Variants in MCM5 observed in about 807,000 individuals in gnomAD.
MCM5 encodes DNA replication licensing factor MCM5.
MCM5 carries 46 observed loss-of-function variants against 79.9 expected under a neutral mutation model. The ratio of observed to expected loss-of-function variants is 0.58; its 90% CI spans 0.45 to 0.74. The LOEUF (loss-of-function observed/expected upper bound fraction) is 0.74. Ranked by LOEUF, MCM5 falls within the 30% of genes least tolerant of loss-of-function variation. MCM5 has a pLI of 0.00. For missense variants in MCM5, 883 were observed against 1,017.0 expected, an observed-to-expected ratio of 0.87 and a Z score of 1.79; for synonymous variants, 404 against 390.5, an observed-to-expected ratio of 1.03 and a Z score of -0.41.
At chr22:35,438,884 CATCCATCT>C in the MCM5 span, among the ~76,000 whole-genome samples, 1 of 150,074 alleles carries the variant, frequency 6.7e-6, no homozygotes, top group Non-Finnish European at 1.5e-5. Flanking sequence ...TCCATCCATC[CATCCATCT>C]ACATATCCAT....
downstream of MCM5, among the ~76,000 whole-genome samples, chr22:35,427,080 T>C (rs1359616748): frequency 6.6e-6 from 1 of 152,224 alleles, no homozygotes; most frequent in African/African-American, 2.4e-5. Flanking sequence ...GGGCCACTGG[T>C]GTCAGACAGG....
chr22:35,414,129 C>A, intron 9 of MCM5, 143 bp downstream of exon 9: 1 of 619,950 alleles, frequency 1.6e-6, no homozygotes, highest in Non-Finnish European at 2.9e-6. Context: ...GTCAGGATGG[C>A]CGAGGAGATG....
downstream of MCM5, among the ~76,000 whole-genome samples, chr22:35,426,428 G>T (rs538458540): frequency 4.2e-3 from 636 of 152,266 alleles, 5 homozygotes; most frequent in African/African-American, 0.015. Context: ...TGGGGCAAGG[G>T]GGGGAGCTGG....
Position 35,413,896 on chromosome 22 carries a change from C to T in MCM5, c.1113C>T (p.Arg371=). The change falls in exon 9 of 17, where the codon CGC becomes CGT. Residue 371 remains arginine (R), a synonymous_variant. Transcript: ENST00000216122. ...SRKRLPDGLT[R]RGDINLLMLG... ...CCAGGCTCCCTGATGGACTTACTCG[C>T]CGAGGAGACATCAACCTGCTGATGC... The T allele has an allele frequency of 6.2e-7, 1 of 1,613,346 alleles. No individual in the cohort carries two copies. The highest frequency in any genetic ancestry group is 8.5e-7 in the Non-Finnish European group (1 of 1,179,268).
At chr22:35,402,708 T>C (rs2145781847) in intron 2 of MCM5, among the ~76,000 whole-genome samples, 1 of 152,132 alleles carries the variant, frequency 6.6e-6, no homozygotes, top group East Asian at 1.9e-4. Flanking sequence ...CATGCCCGGC[T>C]AATCTTCGTA....
At chr22:35,451,639 A>T in the MCM5 span, among the ~76,000 whole-genome samples, 4 of 152,168 alleles carry the variant, frequency 2.6e-5, no homozygotes, top group East Asian at 1.9e-4. Context: ...TCTCTCAGTT[A>T]CTGCCTCACT....
chr22:35,427,307 T>C (rs1249026183), downstream of MCM5, among the ~76,000 whole-genome samples: 1 of 152,212 alleles, frequency 6.6e-6, no homozygotes, highest in Admixed American at 6.5e-5. Context: ...AGAGAATGCT[T>C]ATAAAGAGCA....
chr22:35,423,482 C>G, intron 16 of MCM5, 141 bp downstream of exon 16: 3 of 874,262 alleles, frequency 3.4e-6, no homozygotes, highest in Admixed American at 7.0e-5. Flanking sequence ...TTTCTCAGAC[C>G]TTTTCTAGCC....
chr22:35,412,751 GA>G, intron 8 of MCM5, 70 bp downstream of exon 8: 1 of 1,279,096 alleles, frequency 7.8e-7, no homozygotes, highest in Non-Finnish European at 1.0e-6. Flanking sequence ...ATAATTACTG[GA>G]TAATCAGGAC....
intron 15 of MCM5, chr22:35,422,288 G>C (rs948482383): frequency 1.3e-5 from 2 of 153,322 alleles, no homozygotes; most frequent in African/African-American, 4.8e-5. Context: ...AGGAGGACGT[G>C]CTCTTTCCCA....
At chr22:35,448,211 G>T in the MCM5 span, among the ~76,000 whole-genome samples, 13 of 152,196 alleles carry the variant, frequency 8.5e-5, no homozygotes, top group Admixed American at 8.5e-4. Context: ...TGATCAAAGC[G>T]CCTGCCTCGT....
At chr22:35,403,839 T>C (rs1014749622) in intron 4 of MCM5, among the ~76,000 whole-genome samples, 5 of 152,076 alleles carry the variant, frequency 3.3e-5, no homozygotes, top group Admixed American at 1.3e-4. Flanking sequence ...AGTAAATTCA[T>C]GCACAGTGGC....
rs551571369 is a variant in MCM5 at position 35,412,997 on chromosome 22, A to T, written c.1091+316A>T. Among the ~76,000 whole-genome samples the T allele has an allele frequency of 1.3e-3, 197 of 151,456 alleles. 1 individual carries two copies. The highest frequency in any genetic ancestry group is 1.9e-3 in the Non-Finnish European group (132 of 67,894). Reference sequence around the variant, plus strand: ...ACTGAGCTTGGGGTCAGTAGCAGGGATATTATTAGCAGCTGCCATTTACTG... The same window carrying T: ...ACTGAGCTTGGGGTCAGTAGCAGGGTTATTATTAGCAGCTGCCATTTACTG... On this transcript the variant is annotated intron_variant, in intron 8 of 16. Coordinates refer to ENST00000216122, the MANE Select transcript of MCM5 (RefSeq NM_006739.4).
chr22:35,438,896 T>TCTACCC, the MCM5 span, among the ~76,000 whole-genome samples: 1 of 70,056 alleles, frequency 1.4e-5, no homozygotes, highest in Non-Finnish European at 2.7e-5. Flanking sequence ...TCCATCTACA[T>TCTACCC]ATCCATCCAT....
chr22:35,432,778 G>C, the MCM5 span, among the ~76,000 whole-genome samples: 1 of 152,072 alleles, frequency 6.6e-6, no homozygotes, highest in Non-Finnish European at 1.5e-5. Context: ...GGGCCAGGCA[G>C]CGCTGTGTGA....
At chr22:35,423,881 G>T (rs1932752168) in intron 16 of MCM5, 2 of 417,490 alleles carry the variant, frequency 4.8e-6, no homozygotes, top group Non-Finnish European at 8.5e-6. Context: ...CTATAGGTGC[G>T]CAGACTGAGG....
At chr22:35,434,397 A>G in the MCM5 span, among the ~76,000 whole-genome samples, 1 of 151,758 alleles carries the variant, frequency 6.6e-6, no homozygotes, top group Admixed American at 6.6e-5. Context: ...TGAACTCCCC[A>G]CCCTCTCTGC....
chr22:35,410,703 G>C, intron 6 of MCM5, 41 bp from the exon 7 acceptor site: 1 of 1,597,980 alleles, frequency 6.3e-7, no homozygotes, highest in Non-Finnish European at 8.6e-7. Flanking sequence ...GTCCAAGTCA[G>C]AATCTCAGCT....
chr22:35,428,556 GTAGA>G (rs1008352891), downstream of MCM5, among the ~76,000 whole-genome samples: 4 of 152,000 alleles, frequency 2.6e-5, no homozygotes, highest in Non-Finnish European at 5.9e-5. Flanking sequence ...ATCTACATAT[GTAGA>G]TAGTTTTTTA....
Sources: gnomAD v4.1 joint callset for allele counts (sites outside exome capture counted in the v4.1 genomes callset) on GRCh38, gnomAD v4.1.1 for gene constraint, MANE v1.5 for transcripts, NCBI Gene and HGNC (gene_info 2026-07-23, HGNC 2026-07-21) for gene names.